The following TMEM268 variants were observed in gnomAD, a reference collection of about 807,000 sequenced individuals.
TMEM268 encodes the protein transmembrane protein 268.
TMEM268 carries 24 observed loss-of-function variants against 39.1 expected under a neutral mutation model. The ratio of observed to expected loss-of-function variants is 0.61; its 90% CI spans 0.44 to 0.86. TMEM268 has a LOEUF of 0.86. Among genes scored for constraint, TMEM268 ranks in the 40% least tolerant of loss-of-function variants. The probability of loss-of-function intolerance (pLI) is 0.00; values close to 1 mark genes in which losing one functional copy is unlikely to be tolerated. For missense variants in TMEM268, 409 were observed against 428.6 expected (o/e 0.95, Z 0.40); for synonymous variants, 176 against 173.5 (o/e 1.01, Z -0.12).
chr9:114,634,164 C>A (rs1184951169), intron 6 of TMEM268, among the ~76,000 whole-genome samples: 1 of 152,182 alleles, frequency 6.6e-6, no homozygotes, highest in African/African-American at 2.4e-5. Flanking sequence ...GCAGACGGAG[C>A]CTCCTCTGTG....
At chr9:114,615,187 G>A (rs1305889992) in intron 1 of TMEM268, among the ~76,000 whole-genome samples, 3 of 152,232 alleles carry the variant, frequency 2.0e-5, no homozygotes, top group South Asian at 2.1e-4. Context: ...GTGAGCCACC[G>A]TGCTGGGTGG....
At chr9:114,630,279 T>TATCCATCCATCCATCC (rs57970569) in intron 5 of TMEM268, among the ~76,000 whole-genome samples, 9 of 148,228 alleles carry the variant, frequency 6.1e-5, no homozygotes, top group African/African-American at 2.0e-4. Context: ...AATATATATC[T>TATCCATCCATCCATCC]ATCCATCCAT....
chr9:114,622,123 G>A (rs1845970521), intron 2 of TMEM268: 1 of 985,214 alleles, frequency 1.0e-6, no homozygotes, highest in African/African-American at 1.7e-5. Flanking sequence ...GTGATACATT[G>A]GGGGAGCAGG....
In TMEM268 at chr9:114,638,704, T is replaced by C; in HGVS notation, c.827T>C (p.Leu276Pro). 6.3e-7 allele frequency: 1 copy of C among 1,594,266 alleles called. No individual in the cohort carries two copies. The highest frequency in any genetic ancestry group is 8.5e-7 in the Non-Finnish European group (1 of 1,170,904). ...RPLMQTELHQLVPEAEPEEMA... is the reference protein window; with the variant it reads ...RPLMQTELHQPVPEAEPEEMA... ...CTCATGCAGACTGAGCTTCATCAGC[T>C]TGTTCCTGAGGCTGAGCCGGAGGTA... Residue 276 changes from leucine to proline, a missense_variant, in exon 8 of 9, where the codon CTT (leucine) becomes CCT (proline). By Grantham distance (98) the Leu-to-Pro change is moderately conservative. Transcript: ENST00000288502.
rs139657527 is a variant in TMEM268 at position 114,638,581 on chromosome 9, T to C, written c.704T>C (p.Val235Ala). 1.3e-4 allele frequency: 215 copies of C among 1,602,086 alleles called. No individual in the cohort carries two copies. The East Asian group carries it at 4.6e-3, about 34-fold the overall frequency. The change falls in exon 8 of 9, where the codon GTC (valine) becomes GCC (alanine). Residue 235 changes from valine to alanine, a missense_variant. Physicochemically the swap from Val to Ala is moderately conservative, Grantham distance 64 (BLOSUM62 0). Coordinates refer to ENST00000288502, the MANE Select transcript of TMEM268 (RefSeq NM_153045.4). ...LRSRLSQLCV[V>A]METGVSPATA... ...AGCAGATTGAGCCAGTTGTGTGTTG[T>C]CATGGAGACTGGGGTGAGCCCTGCA...
chr9:114,635,187 A>T (rs1376566861), intron 6 of TMEM268, among the ~76,000 whole-genome samples: 1 of 151,792 alleles, frequency 6.6e-6, no homozygotes, highest in African/African-American at 2.4e-5. Context: ...CTAAAAATAT[A>T]AAAAAATTAG....
At chr9:114,632,540 A>G (rs987434912) in intron 5 of TMEM268, among the ~76,000 whole-genome samples, 2 of 151,584 alleles carry the variant, frequency 1.3e-5, no homozygotes, top group Non-Finnish European at 2.9e-5. Flanking sequence ...TTTAGCATCC[A>G]CTCTCCCAGC....
At chr9:114,635,604 G>A (rs146316275) in intron 6 of TMEM268, among the ~76,000 whole-genome samples, 1,688 of 152,256 alleles carry the variant, frequency 0.011, 30 homozygotes, top group African/African-American at 0.038. Context: ...ACCTGAGCGC[G>A]GGATGTCAAG....
At chr9:114,640,942 C>A (rs1325059221) in intron 8 of TMEM268, among the ~76,000 whole-genome samples, 3 of 151,600 alleles carry the variant, frequency 2.0e-5, no homozygotes, top group Non-Finnish European at 2.9e-5. Flanking sequence ...GTGGTGTGAT[C>A]TCCGCTCACT....
rs3035396 is a variant in TMEM268 at position 114,611,533 on chromosome 9, TGGC to T, written c.-87_-85del. ...GCCCCCGACCTTCCGCGTCCCGGGG[TGGC>T]GGCGGCGGCGGCGGCGGCGGCGCGG... On this transcript the variant is annotated 5_prime_UTR_variant, in exon 1 of 9. Coordinates refer to ENST00000288502, the MANE Select transcript of TMEM268 (RefSeq NM_153045.4). 1.0e-3 allele frequency: 163 copies of T among 163,090 alleles called. 1 individual carries two copies. The highest frequency in any genetic ancestry group is 5.4e-3 in the East Asian group (30 of 5,516). The allele number at this position is 163,090 out of a possible 1,614,324, so 10.1% of individuals were successfully genotyped here.
rs1014077088 is a variant in TMEM268 at position 114,643,420 on chromosome 9, G to C, written c.*107G>C. 15 of 987,942 alleles carry C rather than the reference G, an allele frequency of 1.5e-5. No homozygotes were observed. Among genetic ancestry groups the C allele is most frequent in the Non-Finnish European group, 2.3e-5 (15 of 658,066 alleles). 61.2% of individuals were successfully genotyped at this position (987,942 alleles called of 1,614,324 possible). A position where few individuals can be genotyped will look rare whatever the true frequency, so the allele number is the denominator to read the frequency against. On this transcript the variant is annotated 3_prime_UTR_variant, in exon 9 of 9. Coordinates refer to ENST00000288502, the MANE Select transcript of TMEM268 (RefSeq NM_153045.4). The stretch of plus-strand genomic sequence containing the variant: ...CCCAGGTGAGGAGAGAAGCATCTGG[G>C]GGCACTCCAAAAGGGGCCTGTGATG...
intron 5 of TMEM268, among the ~76,000 whole-genome samples, chr9:114,630,991 C>T (rs1425702011): frequency 6.6e-6 from 1 of 152,114 alleles, no homozygotes; most frequent in Non-Finnish European, 1.5e-5. Context: ...CTTGTTTTCC[C>T]TTTGGCTCAC....
intron 2 of TMEM268, 193 bp from the exon 3 acceptor site, chr9:114,624,157 A>G: frequency 7.8e-7 from 1 of 1,281,574 alleles, no homozygotes; most frequent in Non-Finnish European, 1.0e-6. Context: ...CTCTGGCCTT[A>G]ATTCTGCCTC....
chr9:114,628,180 T>C lies in TMEM268; in HGVS notation c.404T>C (p.Leu135Pro). The C allele has an allele frequency of 6.2e-7, 1 of 1,614,206 alleles. No homozygotes were observed. The highest frequency in any genetic ancestry group is 1.1e-5 in the South Asian group (1 of 91,084). ...FALGNHWAGM[L>P]LVTLAAVSLT... ...TTGGGGAACCACTGGGCTGGCATGC[T>C]GCTCGTGACCCTGGCCGCGGTGAGC... Residue 135 changes from leucine to proline, a missense_variant, in exon 5 of 9, where the codon CTG becomes CCG. By Grantham distance (98) the Leu-to-Pro change is moderately conservative (BLOSUM62 -3). Coordinates refer to ENST00000288502, the MANE Select transcript of TMEM268 (RefSeq NM_153045.4).
rs1305774810 is a variant in TMEM268 at position 114,637,269 on chromosome 9, T to A, written c.666+199T>A. On this transcript the variant is annotated intron_variant, in intron 7 of 8. Transcript: ENST00000288502. ...TGCCTCGCTTCTTCTACATTTCCTA[T>A]GGTGAGCATATATTTCTTCTTTTTT... is the stretch of plus-strand genomic sequence containing the variant. Among the ~76,000 whole-genome samples, 3 of 149,574 alleles carry A rather than the reference T, an allele frequency of 2.0e-5. No individual in the cohort carries two copies. In the Admixed American group the frequency reaches 2.1e-4, roughly 10 times the overall value.
rs774968958 is a variant in TMEM268 at position 114,638,571 on chromosome 9, T to C, written c.694T>C (p.Leu232=). ...ESLLRSRLSQ[L]CVVMETGVSP... ...CTTGCTGAGAAGCAGATTGAGCCAG[T>C]TGTGTGTTGTCATGGAGACTGGGGT... Residue 232 remains leucine, a synonymous_variant, in exon 8 of 9, where the codon TTG becomes CTG. Transcript: ENST00000288502. 3.8e-6 allele frequency: 6 copies of C among 1,594,616 alleles called. No individual in the cohort carries two copies. The Admixed American group carries it at 8.8e-5, about 23-fold the overall frequency.
rs1024332711 is a variant in TMEM268, at chr9:114,646,249, C to T, written c.*2936C>T. 6.6e-6 allele frequency: 1 copy of T among 152,184 alleles called. No homozygotes were observed. The highest frequency in any genetic ancestry group is 1.5e-5 in the Non-Finnish European group (1 of 68,038). 9.4% of individuals were successfully genotyped at this position (152,184 alleles called of 1,614,324 possible). On this transcript the variant is annotated 3_prime_UTR_variant, in exon 9 of 9. Transcript: ENST00000288502. ...GTTTATTCTAATCCAAGTTCTTCCA[C>T]TTAAAAACAATGTTCTTCCTCTCAT...
At chr9:114,605,747 C>G in the TMEM268 span, among the ~76,000 whole-genome samples, 1 of 151,910 alleles carries the variant, frequency 6.6e-6, no homozygotes, top group Non-Finnish European at 1.5e-5. Flanking sequence ...AGGGGGAAAC[C>G]CTGTCTCTAC....
At chr9:114,606,503 C>G (rs765277419), upstream of TMEM268, among the ~76,000 whole-genome samples, 2 of 152,242 alleles carry the variant, frequency 1.3e-5, no homozygotes, top group African/African-American at 2.4e-5. Context: ...ACGGAACATT[C>G]TGTGGGACAC....
Sources: gnomAD v4.1 joint callset for allele counts (sites outside exome capture counted in the v4.1 genomes callset) on GRCh38, gnomAD v4.1.1 for gene constraint, MANE v1.5 for transcripts, NCBI Gene and HGNC (gene_info 2026-07-23, HGNC 2026-07-21) for gene names.